Variants in SLC6A15 observed in about 807,000 individuals in gnomAD.
SLC6A15 encodes the protein sodium-dependent neutral amino acid transporter B(0)AT2.
SLC6A15 carries 33 observed loss-of-function variants against 68.5 expected under a neutral mutation model. The observed-to-expected ratio is 0.48, with a 90% CI of 0.37 to 0.64. The LOEUF (loss-of-function observed/expected upper bound fraction) is 0.64, where lower values mean the gene tolerates loss of function less well. Among genes scored for constraint, SLC6A15 ranks in the 30% least tolerant of loss-of-function variants. SLC6A15 has a pLI of 0.00. For missense variants in SLC6A15, 747 were observed against 874.3 expected (o/e 0.85, Z 1.84); for synonymous variants, 347 against 301.0 (o/e 1.15, Z -1.58).
chr12:84,892,054 G>C lies in SLC6A15; in HGVS notation c.67C>G (p.Leu23Val). ...DDDVTESVKD[L>V]LSNEDAADDA... ...TCAGCTGCGTCTTCATTGGAAAGAA[G>C]GTCTTTGACAGACTCAGTAACATCA... The change falls in exon 2 of 12, where the codon CTT becomes GTT. Residue 23 changes from leucine (L) to valine (V), a missense_variant. Leu to Val is a conservative substitution (Grantham distance 32, BLOSUM62 1). Transcript: ENST00000266682. 2.5e-6 allele frequency: 4 copies of C among 1,613,400 alleles called. No homozygotes were observed. Among genetic ancestry groups the C allele is most frequent in the Non-Finnish European group, 3.4e-6 (4 of 1,179,862 alleles).
At chr12:84,878,177 A>G (rs1871646500) in intron 5 of SLC6A15, among the ~76,000 whole-genome samples, 8 of 152,254 alleles carry the variant, frequency 5.3e-5, no homozygotes. Flanking sequence ...AAATGCCAGC[A>G]TACTTTAGAA....
At position 84,861,306 on chromosome 12, in the gene SLC6A15, C is replaced by A; in HGVS notation, c.*326G>T. On this transcript the variant is annotated 3_prime_UTR_variant, in exon 12 of 12. Coordinates refer to ENST00000266682, the MANE Select transcript of SLC6A15 (RefSeq NM_182767.6). ...TTTTTAATTGTCAACACTACTAAAC[C>A]CAGAAATTATTAGAAACTGAGGTAA... 1 of 199,502 alleles carries A rather than the reference C, an allele frequency of 5.0e-6. No homozygotes were observed. The highest frequency in any genetic ancestry group is 1.1e-4 in the East Asian group (1 of 8,764). The allele number at this position is 199,502 out of a possible 1,614,324, so 12.4% of individuals were successfully genotyped here. A position where few individuals can be genotyped will look rare whatever the true frequency, so the allele number is the denominator to read the frequency against.
intron 9 of SLC6A15, among the ~76,000 whole-genome samples, chr12:84,868,584 G>C (rs372454332): frequency 6.6e-6 from 1 of 152,112 alleles, no homozygotes; most frequent in South Asian, 2.1e-4. Context: ...GAGGGAAAAA[G>C]ATAATGAGTA....
chr12:84,884,256 G>C (rs1481958200), intron 4 of SLC6A15, among the ~76,000 whole-genome samples: 1 of 151,994 alleles, frequency 6.6e-6, no homozygotes, highest in Non-Finnish European at 1.5e-5. Flanking sequence ...CCTGCAGTAA[G>C]AATATGTGAA....
At chr12:84,886,571 G>A (rs1445704081) in intron 2 of SLC6A15, among the ~76,000 whole-genome samples, 2 of 149,156 alleles carry the variant, frequency 1.3e-5, no homozygotes, top group East Asian at 1.9e-4. Context: ...AAGAAGAAAC[G>A]TCTGCTTAGA....
At chr12:84,892,989 C>A (rs1872483531) in intron 1 of SLC6A15, among the ~76,000 whole-genome samples, 1 of 152,118 alleles carries the variant, frequency 6.6e-6, no homozygotes, top group Non-Finnish European at 1.5e-5. Flanking sequence ...GAGATGAAGT[C>A]TCACTATGTT....
intron 8 of SLC6A15, 91 bp from the exon 9 acceptor site, chr12:84,870,761 G>T: frequency 1.4e-6 from 1 of 723,972 alleles, no homozygotes; most frequent in South Asian, 2.7e-5. Flanking sequence ...AAAGATCTCT[G>T]AATAATGGCC....
chr12:84,873,156 A>G lies in SLC6A15; in HGVS notation c.1040T>C (p.Leu347Pro). Reference sequence around the variant, plus strand: ...AACTGCAAACACCACCAATGTTGCCAGGACAGAAGTGAAAAAATTGATGAA... The same window carrying G: ...AACTGCAAACACCACCAATGTTGCCGGGACAGAAGTGAAAAAATTGATGAA... The part of the protein sequence containing the change: ...VSFINFFTSV[L>P]ATLVVFAVLG... Residue 347 changes from leucine to proline, a missense_variant, in exon 7 of 12, where the codon CTG becomes CCG. Coordinates refer to ENST00000266682, the MANE Select transcript of SLC6A15 (RefSeq NM_182767.6). 1 of 1,614,126 alleles carries G rather than the reference A, an allele frequency of 6.2e-7. No individual in the cohort carries two copies. The highest frequency in any genetic ancestry group is 1.1e-5 in the South Asian group (1 of 91,082).
intron 1 of SLC6A15, among the ~76,000 whole-genome samples, chr12:84,893,714 A>G (rs1184973309): frequency 6.6e-6 from 1 of 152,230 alleles, no homozygotes; most frequent in African/African-American, 2.4e-5. Flanking sequence ...AATGAGCAAG[A>G]CAAAGTGTTG....
At chr12:84,896,706 A>G (rs2120698131) in intron 1 of SLC6A15, among the ~76,000 whole-genome samples, 1 of 152,364 alleles carries the variant, frequency 6.6e-6, no homozygotes, top group East Asian at 1.9e-4. Flanking sequence ...TGGACACAGG[A>G]AGAAACATAA....
At chr12:84,889,959 T>A (rs1003083888) in intron 2 of SLC6A15, among the ~76,000 whole-genome samples, 1 of 152,196 alleles carries the variant, frequency 6.6e-6, no homozygotes. Context: ...ACCTTTTTTT[T>A]CTATTACTCA....
At chr12:84,871,880 C>G (rs566496805) in intron 8 of SLC6A15, among the ~76,000 whole-genome samples, 1 of 152,090 alleles carries the variant, frequency 6.6e-6, no homozygotes, top group Non-Finnish European at 1.5e-5. Context: ...CGGTTGGGCA[C>G]GGTGGCTGAG....
chr12:84,878,805 C>T (rs905428201), intron 5 of SLC6A15, among the ~76,000 whole-genome samples: 1 of 147,352 alleles, frequency 6.8e-6, no homozygotes, highest in Non-Finnish European at 1.6e-5. Context: ...ATCACCACAC[C>T]CAGCTAATTC....
intron 1 of SLC6A15, among the ~76,000 whole-genome samples, chr12:84,910,924 T>TCTCTCTCTCTCTCTCTCTCTC (rs1873406258): frequency 7.4e-6 from 1 of 134,606 alleles, no homozygotes; most frequent in African/African-American, 3.4e-5. Flanking sequence ...AGCCGCCCTC[T>TCTCTCTCTCTCTCTCTCTCTC]TTCCGTGTGT....
chr12:84,882,170 A>C (rs2120627089), intron 5 of SLC6A15: 1 of 985,388 alleles, frequency 1.0e-6, no homozygotes, highest in Non-Finnish European at 1.2e-6. Flanking sequence ...TGAGTACAAG[A>C]GTTTTTGAGC....
At chr12:84,899,503 G>C (rs1370510579) in intron 1 of SLC6A15, among the ~76,000 whole-genome samples, 1 of 152,104 alleles carries the variant, frequency 6.6e-6, no homozygotes, top group African/African-American at 2.4e-5. Context: ...TTGGTTCCTA[G>C]TTTTCAGAAC....
intron 1 of SLC6A15, among the ~76,000 whole-genome samples, chr12:84,896,035 G>A (rs780883945): frequency 3.3e-5 from 5 of 152,154 alleles, no homozygotes; most frequent in African/African-American, 7.2e-5. Context: ...ATCAGTGCTC[G>A]ATAGGTCATA....
At position 84,901,091 on chromosome 12, in the gene SLC6A15, T is replaced by A. The variant is rs754839441; in HGVS notation, c.-188-8783A>T. On this transcript the variant is annotated intron_variant, in intron 1 of 11. Transcript: ENST00000266682. ...ATGTGTGTGTGTGTATATATATATA[T>A]AATGTATTTTGCTTCTCTGGTTTTG... Among the ~76,000 whole-genome samples, 86 of 150,680 alleles carry A rather than the reference T, an allele frequency of 5.7e-4. 1 individual carries two copies. The highest frequency in any genetic ancestry group is 5.0e-4 in the Non-Finnish European group (34 of 67,436).
chr12:84,876,204 G>C (rs1871532185), intron 6 of SLC6A15, among the ~76,000 whole-genome samples: 1 of 151,414 alleles, frequency 6.6e-6, no homozygotes, highest in African/African-American at 2.4e-5. Flanking sequence ...GAAAAATTCT[G>C]AAGTCTAATC....
Sources: allele counts gnomAD v4.1 joint callset (sites outside exome capture counted in the v4.1 genomes callset), GRCh38; gene constraint gnomAD v4.1.1; transcripts MANE v1.5; gene names NCBI Gene and HGNC (gene_info 2026-07-23, HGNC 2026-07-21).